The following UPF2 variants were observed in gnomAD, a reference collection of about 807,000 sequenced individuals.
The protein encoded by UPF2 is regulator of nonsense transcripts 2.
UPF2 carries 17 observed loss-of-function variants against 141.4 expected under a neutral mutation model. The ratio of observed to expected loss-of-function variants is 0.12; its 90% CI spans 0.08 to 0.18. The LOEUF (loss-of-function observed/expected upper bound fraction) is 0.18, where lower values mean the gene tolerates loss of function less well. Ranked by LOEUF, UPF2 falls within the 10% of genes least tolerant of loss-of-function variation. The pLI, the probability that UPF2 is intolerant of heterozygous loss-of-function variation, is 1.00. For synonymous variants in UPF2, 540 were observed against 498.0 expected, an observed-to-expected ratio of 1.08 and a Z score of -1.12; for missense variants, 1,152 against 1,515.9, an observed-to-expected ratio of 0.76 and a Z score of 3.99.
intron 11 of UPF2, among the ~76,000 whole-genome samples, chr10:11,962,353 C>G (rs1833254082): frequency 6.6e-6 from 1 of 152,314 alleles, no homozygotes; most frequent in South Asian, 2.1e-4. Flanking sequence ...GTTCCCTCCC[C>G]TTTATTCCCT....
chr10:12,035,092 C>T lies in UPF2; in HGVS notation c.332G>A (p.Arg111His), dbSNP rs1299735945. ...AGCAGCTGCTTCTTCTTCTTGCTGA[C>T]GTTTGGCCTGCTCTTCTTGCTTCTT... ...ERKKQEEQAK[R>H]QQEEEAAAQM... The change falls in exon 2 of 22, where the codon CGT (arginine) becomes CAT (histidine). Residue 111 changes from arginine to histidine, a missense_variant. Arg to His is a conservative substitution (Grantham distance 29). Coordinates refer to ENST00000357604, the MANE Select transcript of UPF2 (RefSeq NM_015542.4). 14 of 1,580,846 alleles carry T rather than the reference C, an allele frequency of 8.9e-6. No homozygotes were observed. Among genetic ancestry groups the T allele is most frequent in the Admixed American group, 2.0e-5 (1 of 50,118 alleles).
chr10:11,954,837 C>G (rs940395770), intron 14 of UPF2, among the ~76,000 whole-genome samples: 2 of 144,142 alleles, frequency 1.4e-5, no homozygotes, highest in Admixed American at 6.9e-5. Context: ...AAGAAAGAAA[C>G]AAGAATTTGA....
chr10:12,038,775 C>A (rs1834681579), intron 1 of UPF2, among the ~76,000 whole-genome samples: 1 of 151,948 alleles, frequency 6.6e-6, no homozygotes, highest in South Asian at 2.1e-4. Context: ...AAAAGCATTT[C>A]TATGCCAAGA....
rs7893263 is a variant in UPF2, at chr10:12,014,354, T to G, written c.1146-170A>C. On this transcript the variant is annotated intron_variant, in intron 3 of 21. Coordinates refer to ENST00000357604, the MANE Select transcript of UPF2 (RefSeq NM_015542.4). The surrounding 1 kb of genome is among the most constrained non-coding windows in gnomAD (Gnocchi z 5.0). The stretch of plus-strand genomic sequence containing the variant: ...TTCAAAATGTATCTGAAATGTATAA[T>G]GAAATTCACCTGAACATTTAAATTT... 6.6e-6 allele frequency among the ~76,000 whole-genome samples: 1 copy of G among 152,204 alleles called. No individual in the cohort carries two copies. The highest frequency in any genetic ancestry group is 2.4e-5 in the African/African-American group (1 of 41,466).
chr10:12,011,030 G>A (rs144276700), intron 4 of UPF2, among the ~76,000 whole-genome samples: 2 of 152,216 alleles, frequency 1.3e-5, no homozygotes, highest in African/African-American at 4.8e-5. Flanking sequence ...CACCCAGGCT[G>A]GAGTGCCTGG....
At chr10:12,038,886 C>G (rs1834684135) in intron 1 of UPF2, among the ~76,000 whole-genome samples, 3 of 152,152 alleles carry the variant, frequency 2.0e-5, no homozygotes, top group Non-Finnish European at 4.4e-5. Flanking sequence ...TGGTCTCACA[C>G]TCCCGGGCTC....
chr10:11,922,918 G>C lies in UPF2; in HGVS notation c.3810-1611C>G, dbSNP rs996446646. Among the ~76,000 whole-genome samples the C allele has an allele frequency of 9.5e-4, 144 of 152,152 alleles. 1 individual carries two copies. Among genetic ancestry groups the C allele is most frequent in the Non-Finnish European group, 4.3e-4 (29 of 67,990 alleles). On this transcript the variant is annotated intron_variant, in intron 21 of 21. Coordinates refer to ENST00000357604, the MANE Select transcript of UPF2 (RefSeq NM_015542.4). ...CCATTTGTAGTGGTGTGTGCCTATA[G>C]TCCCAGATACTGAGAGGCTGAGGCA... is the stretch of plus-strand genomic sequence containing the variant.
intron 18 of UPF2, among the ~76,000 whole-genome samples, chr10:11,937,408 TGGA>T (rs948729382): frequency 2.0e-4 from 30 of 152,154 alleles, no homozygotes; most frequent in African/African-American, 6.0e-4. Flanking sequence ...ACAGCACCTG[TGGA>T]GGAGATGAAG....
intron 4 of UPF2, among the ~76,000 whole-genome samples, chr10:12,010,796 T>C (rs750866024): frequency 3.3e-5 from 5 of 151,920 alleles, no homozygotes; most frequent in Non-Finnish European, 4.4e-5. Context: ...AACTAATGCT[T>C]GAAATCAGCG....
rs149247591 is a variant in UPF2, at chr10:12,018,660, G to T, written c.1146-4476C>A. ...CTAGCTACTCAGGAGGTTGAGGTGG[G>T]AGGATCACCTGAACCCAGGAGGTCG... On this transcript the variant is annotated intron_variant, in intron 3 of 21. Coordinates refer to ENST00000357604, the MANE Select transcript of UPF2 (RefSeq NM_015542.4). Among the ~76,000 whole-genome samples, 585 of 152,248 alleles carry T rather than the reference G, an allele frequency of 3.8e-3. 2 individuals are homozygous for T. Among genetic ancestry groups the T allele is most frequent in the African/African-American group, 0.014 (563 of 41,544 alleles).
chr10:12,006,281 T>C (rs1834034148), intron 4 of UPF2, among the ~76,000 whole-genome samples: 1 of 152,232 alleles, frequency 6.6e-6, no homozygotes, highest in South Asian at 2.1e-4. Context: ...GGAAAGTATG[T>C]ACCTATTTAC....
intron 6 of UPF2, among the ~76,000 whole-genome samples, chr10:12,000,676 G>A (rs1289859741): frequency 2.5e-4 from 38 of 152,128 alleles, no homozygotes. Context: ...GTGTGGTGGT[G>A]CACGTCTACA....
Position 11,948,430 on chromosome 10 carries a change from C to CCTT in UPF2, c.3110_3112dup (p.Glu1037dup), listed in dbSNP as rs757873532. ...AGATTGTTCTTCTGTTTCAGCCCCA[C>CCTT]CTTCTTCTTCTTCTTCATCCTCTTC... On this transcript the variant is annotated inframe_insertion, in exon 16 of 22. Transcript: ENST00000357604. The CCTT allele has an allele frequency of 1.9e-5, 31 of 1,612,322 alleles. 1 individual carries two copies. Among genetic ancestry groups the CCTT allele is most frequent in the South Asian group, 1.6e-4 (15 of 90,974 alleles).
intron 4 of UPF2, among the ~76,000 whole-genome samples, chr10:12,013,294 T>C (rs1301113546): frequency 6.7e-6 from 1 of 149,766 alleles, no homozygotes; most frequent in East Asian, 2.0e-4. Flanking sequence ...TTTTTTTTTT[T>C]GAGACAGGGT....
At chr10:11,961,864 G>C (rs747069950) in intron 11 of UPF2, among the ~76,000 whole-genome samples, 1 of 152,072 alleles carries the variant, frequency 6.6e-6, no homozygotes, top group Non-Finnish European at 1.5e-5. Context: ...TTATAAGTTC[G>C]ACTGTGGGTA....
intron 7 of UPF2, 139 bp downstream of exon 7, chr10:11,999,767 C>A: frequency 1.4e-6 from 1 of 704,650 alleles, no homozygotes; most frequent in African/African-American, 1.8e-5. Context: ...TCTGCTTATG[C>A]TGAATTCCCA....
chr10:11,971,288 CTT>C (rs1181838026), intron 9 of UPF2, among the ~76,000 whole-genome samples: 1 of 139,120 alleles, frequency 7.2e-6, no homozygotes, highest in East Asian at 2.0e-4. Flanking sequence ...CAGTTTTGCT[CTT>C]GTTGCCCAGG....
intron 3 of UPF2, among the ~76,000 whole-genome samples, chr10:12,024,607 C>G (rs1034632995): frequency 2.0e-5 from 3 of 151,670 alleles, no homozygotes; most frequent in African/African-American, 7.3e-5. Flanking sequence ...GAAACCCCGT[C>G]TCGAAAAATT....
intron 3 of UPF2, among the ~76,000 whole-genome samples, chr10:12,015,115 T>G (rs1273182525): frequency 6.6e-6 from 1 of 152,226 alleles, no homozygotes; most frequent in African/African-American, 2.4e-5. Context: ...TACTATAATA[T>G]TTGAAATTTA....
Sources: allele counts gnomAD v4.1 joint callset (sites outside exome capture counted in the v4.1 genomes callset), GRCh38; gene constraint gnomAD v4.1.1; non-coding constraint Gnocchi (gnomAD v3.1); transcripts MANE v1.5; gene names NCBI Gene and HGNC (gene_info 2026-07-23, HGNC 2026-07-21).